Variants in DLGAP2 observed in about 807,000 individuals in gnomAD.
DLGAP2 encodes disks large-associated protein 2.
A neutral mutation model predicts 100.3 loss-of-function variants in DLGAP2; 26 were observed. The ratio of observed to expected loss-of-function variants is 0.26; its 90% CI spans 0.19 to 0.36. DLGAP2 has a LOEUF of 0.36. Ranked by LOEUF, DLGAP2 falls within the 10% of genes least tolerant of loss-of-function variation. The pLI, the probability that DLGAP2 is intolerant of heterozygous loss-of-function variation, is 1.00. For synonymous variants in DLGAP2, 886 were observed against 630.1 expected, an observed-to-expected ratio of 1.41 and a Z score of -6.08; for missense variants, 1,858 against 1,453.2, an observed-to-expected ratio of 1.28 and a Z score of -4.53.
chr8:1,364,505 G>GA (rs1366956615), intron 3 of DLGAP2, among the ~76,000 whole-genome samples: 2 of 149,984 alleles, frequency 1.3e-5, no homozygotes, highest in Non-Finnish European at 3.0e-5. Context: ...GGAAGGGCGG[G>GA]GGGGGTGCAG....
intron 2 of DLGAP2, among the ~76,000 whole-genome samples, chr8:908,704 G>T (rs999606904): frequency 1.3e-5 from 2 of 152,170 alleles, no homozygotes; most frequent in Admixed American, 6.5e-5. Flanking sequence ...TTTTATCAAA[G>T]AAATTGCAAG....
intron 1 of DLGAP2, among the ~76,000 whole-genome samples, chr8:820,551 A>G (rs1029802479): frequency 3.3e-5 from 5 of 152,258 alleles, no homozygotes; most frequent in South Asian, 2.1e-4. Flanking sequence ...TGTTTGCTCA[A>G]TAATCACATT....
chr8:1,098,794 A>C (rs1804484607), intron 2 of DLGAP2, among the ~76,000 whole-genome samples: 2 of 129,908 alleles, frequency 1.5e-5, no homozygotes, highest in South Asian at 2.5e-4. Flanking sequence ...CCGGCCGCCC[A>C]CGGACGCCGC....
chr8:905,516 T>C (rs1798361205), intron 1 of DLGAP2, among the ~76,000 whole-genome samples: 1 of 152,064 alleles, frequency 6.6e-6, no homozygotes. Flanking sequence ...CAGATGCAAT[T>C]GTGTCATGCG....
At chr8:1,212,144 A>T (rs1395191482) in intron 2 of DLGAP2, among the ~76,000 whole-genome samples, 2 of 152,196 alleles carry the variant, frequency 1.3e-5, no homozygotes, top group Non-Finnish European at 2.9e-5. Context: ...AAAGAAATGA[A>T]ATCACAAGAA....
intron 2 of DLGAP2, among the ~76,000 whole-genome samples, chr8:984,784 A>G (rs1360859443): frequency 1.3e-5 from 2 of 152,178 alleles, no homozygotes; most frequent in Admixed American, 6.5e-5. Flanking sequence ...AGTCCCTCAT[A>G]AGTGATTGGT....
At chr8:1,249,326 G>T (rs1490801100) in intron 2 of DLGAP2, among the ~76,000 whole-genome samples, 1 of 152,106 alleles carries the variant, frequency 6.6e-6, no homozygotes, top group Non-Finnish European at 1.5e-5. Context: ...AGCGTCTCAG[G>T]GCCCCTCATT....
chr8:907,477 A>C (rs1265412694), intron 1 of DLGAP2, among the ~76,000 whole-genome samples: 2 of 152,146 alleles, frequency 1.3e-5, no homozygotes, highest in Non-Finnish European at 2.9e-5. Flanking sequence ...TTTGTGATTC[A>C]CCCTTGATGG....
intron 2 of DLGAP2, among the ~76,000 whole-genome samples, chr8:984,822 C>T (rs149110033): frequency 2.0e-5 from 3 of 152,164 alleles, no homozygotes; most frequent in African/African-American, 7.2e-5. Flanking sequence ...GTGGCATAAA[C>T]AAATGCACCT....
At chr8:1,073,960 C>G (rs535227227) in intron 2 of DLGAP2, among the ~76,000 whole-genome samples, 24 of 152,230 alleles carry the variant, frequency 1.6e-4, no homozygotes, top group African/African-American at 5.5e-4. Context: ...TGAGGCTGAA[C>G]TCACCCAGGT....
At chr8:1,409,000 T>C (rs914018420) in intron 3 of DLGAP2, among the ~76,000 whole-genome samples, 3 of 152,164 alleles carry the variant, frequency 2.0e-5, no homozygotes, top group Admixed American at 2.0e-4. Flanking sequence ...GAAAGATAAA[T>C]CCACCTATGA....
chr8:1,004,282 G>A lies in DLGAP2; in HGVS notation c.73+96316G>A, dbSNP rs149060036. Among the ~76,000 whole-genome samples the A allele has an allele frequency of 3.1e-3, 478 of 152,298 alleles. 3 individuals are homozygous for A. The highest frequency in any genetic ancestry group is 0.011 in the African/African-American group (452 of 41,558). ...CACATATTTATGTTGCCATTGGCAA[G>A]CGTGACAGAAACCTCCCAAGCAGCT... On this transcript the variant is annotated intron_variant, in intron 2 of 14. Coordinates refer to ENST00000637795, the MANE Select transcript of DLGAP2 (RefSeq NM_001346810.2).
intron 6 of DLGAP2, among the ~76,000 whole-genome samples, chr8:1,610,594 C>G (rs1275292448): frequency 1.5e-5 from 2 of 136,038 alleles, no homozygotes; most frequent in African/African-American, 6.0e-5. Flanking sequence ...ATCAATGAAT[C>G]CAGGAGCTGG....
intron 3 of DLGAP2, among the ~76,000 whole-genome samples, chr8:1,482,581 A>C (rs1470618598): frequency 6.6e-6 from 1 of 152,268 alleles, no homozygotes; most frequent in Non-Finnish European, 1.5e-5. Context: ...GCTCACTGGC[A>C]TGGCTCGCTC....
intron 4 of DLGAP2, among the ~76,000 whole-genome samples, chr8:1,524,194 G>A (rs564632931): frequency 6.6e-6 from 1 of 152,150 alleles, no homozygotes; most frequent in African/African-American, 2.4e-5. Flanking sequence ...GTGCGTCGGG[G>A]TCAGCCTCAT....
chr8:1,235,469 G>C (rs1798631011), intron 2 of DLGAP2, among the ~76,000 whole-genome samples: 1 of 151,714 alleles, frequency 6.6e-6, no homozygotes, highest in Non-Finnish European at 1.5e-5. Context: ...CTCACATGTT[G>C]CCGTGTCTAG....
chr8:1,306,859 C>T (rs1462218866), intron 3 of DLGAP2, among the ~76,000 whole-genome samples: 1 of 152,118 alleles, frequency 6.6e-6, no homozygotes, highest in East Asian at 1.9e-4. Flanking sequence ...AATAATGAAG[C>T]TGAACTCATA....
intron 1 of DLGAP2, among the ~76,000 whole-genome samples, chr8:799,653 G>A (rs1796107742): frequency 6.6e-6 from 1 of 152,190 alleles, no homozygotes; most frequent in Non-Finnish European, 1.5e-5. Flanking sequence ...CTGGAGTGCA[G>A]TGGTGCAAAC....
At chr8:1,095,745 A>G (rs550693444) in intron 2 of DLGAP2, among the ~76,000 whole-genome samples, 1 of 152,212 alleles carries the variant, frequency 6.6e-6, no homozygotes, top group African/African-American at 2.4e-5. Context: ...CTACTCTTAA[A>G]TGTCTTTTTC....
Sources: gnomAD v4.1 joint callset for allele counts (sites outside exome capture counted in the v4.1 genomes callset) on GRCh38, gnomAD v4.1.1 for gene constraint, MANE v1.5 for transcripts, NCBI Gene and HGNC (gene_info 2026-07-23, HGNC 2026-07-21) for gene names.